Variants in MRPL36 observed in about 807,000 individuals in gnomAD.
The protein encoded by MRPL36 is large ribosomal subunit protein bL36m.
A neutral mutation model predicts 2.8 loss-of-function variants in MRPL36; 1 was observed. The observed-to-expected ratio is 0.36, with a 90% CI of 0.13 to 1.69. MRPL36 has a LOEUF of 1.69. MRPL36 is among the 40% of genes most tolerant of loss of function. The pLI, the probability that MRPL36 is intolerant of heterozygous loss-of-function variation, is 0.35. For missense variants in MRPL36, 148 were observed against 132.7 expected (o/e 1.12, Z -0.57); for synonymous variants, 68 against 54.8 (o/e 1.24, Z -1.06).
chr5:1,798,693 C>T lies in MRPL36; in HGVS notation c.243G>A (p.Leu81=). 1 of 1,613,898 alleles carries T rather than the reference C, an allele frequency of 6.2e-7. No homozygotes were observed. Among genetic ancestry groups the T allele is most frequent in the African/African-American group, 1.3e-5 (1 of 75,026 alleles). ...VLKKRCKDCY[L]VKRRGRWYVY... ...CGTACCACCGACCCCGCCTCTTCACCAGGTAACAGTCCTTGCAGCGCTTCT... is the reference window on the plus strand; with the variant it reads ...CGTACCACCGACCCCGCCTCTTCACTAGGTAACAGTCCTTGCAGCGCTTCT... Residue 81 remains leucine, a synonymous_variant, in exon 2 of 2, where the codon CTG becomes CTA. Transcript: ENST00000505059.
chr5:1,801,321 G>GT, upstream of MRPL36: 12 of 1,509,436 alleles, frequency 7.9e-6, no homozygotes, highest in Non-Finnish European at 1.1e-5. Flanking sequence ...CGCCCCCAGG[G>GT]CGAAATAAAT....
upstream of MRPL36, among the ~76,000 whole-genome samples, chr5:1,800,834 TAC>T (rs1486811851): frequency 2.0e-5 from 3 of 152,172 alleles, no homozygotes; most frequent in African/African-American, 7.2e-5. Context: ...ATCCCCAATA[TAC>T]GTTTCCTCTG....
Position 1,798,675 on chromosome 5 carries a change from C to T in MRPL36, c.261G>A (p.Arg87=), listed in dbSNP as rs1427257278. 5 of 1,613,836 alleles carry T rather than the reference C, an allele frequency of 3.1e-6. No homozygotes were observed. In the South Asian group the frequency reaches 5.5e-5, roughly 18 times the overall value. ...KDCYLVKRRG[R]WYVYCKTHPR... is the part of the protein sequence containing the mutation. ...GATGGGTTTTACAGTAGACGTACCACCGACCCCGCCTCTTCACCAGGTAAC... is the reference window on the plus strand; with the variant it reads ...GATGGGTTTTACAGTAGACGTACCATCGACCCCGCCTCTTCACCAGGTAAC... Residue 87 remains arginine, a synonymous_variant, in exon 2 of 2, where the codon CGG becomes CGA. Transcript: ENST00000505059.
At chr5:1,799,763 C>A (rs1178320123) in intron 1 of MRPL36, 29 bp downstream of exon 1, 2 of 106,948 alleles carry the variant, frequency 1.9e-5, no homozygotes, top group Non-Finnish European at 4.5e-5. Flanking sequence ...ACACCCGGGA[C>A]CCCTGACCTG....
rs1733925936 is a variant in MRPL36, at chr5:1,798,755, G to C, written c.181C>G (p.Leu61Val). The part of the protein sequence containing the change: ...LLSPGLLPHL[L>V]PALGFKNKTV... ...TTGTTTTTGAACCCCAGCGCAGGCA[G>C]CAGATGGGGCAGGAGGCCGGGTGAG... The change falls in exon 2 of 2, where the codon CTG becomes GTG. Residue 61 changes from leucine (L) to valine (V), a missense_variant. By Grantham distance (32) the Leu-to-Val change is conservative (BLOSUM62 1). Coordinates refer to ENST00000505059, the MANE Select transcript of MRPL36 (RefSeq NM_032479.4). 1 of 1,613,954 alleles carries C rather than the reference G, an allele frequency of 6.2e-7. No individual in the cohort carries two copies. The highest frequency in any genetic ancestry group is 8.5e-7 in the Non-Finnish European group (1 of 1,179,980).
chr5:1,798,646 C>T lies in MRPL36; in HGVS notation c.290G>A (p.Arg97Lys). 6.2e-7 allele frequency: 1 copy of T among 1,610,498 alleles called. No homozygotes were observed. The highest frequency in any genetic ancestry group is 1.3e-5 in the African/African-American group (1 of 74,930). Residue 97 changes from arginine to lysine, a missense_variant, in exon 2 of 2, where the codon AGG becomes AAG. By Grantham distance (26) the Arg-to-Lys change is conservative (BLOSUM62 2). Transcript: ENST00000505059. ...RWYVYCKTHP[R>K]HKQRQM ...GGTCTACATCTGTCTCTGCTTGTGCCTCGGATGGGTTTTACAGTAGACGTA... is the reference window on the plus strand; with the variant it reads ...GGTCTACATCTGTCTCTGCTTGTGCTTCGGATGGGTTTTACAGTAGACGTA...
At chr5:1,800,515 A>T (rs1260595758), upstream of MRPL36, among the ~76,000 whole-genome samples, 1 of 152,154 alleles carries the variant, frequency 6.6e-6, no homozygotes, top group African/African-American at 2.4e-5. Flanking sequence ...GGAGTTTATC[A>T]GCTCCAGGAC....
rs1733913721 is a variant in MRPL36 at position 1,798,501 on chromosome 5, T to C, written c.*123A>G. On this transcript the variant is annotated 3_prime_UTR_variant, in exon 2 of 2. Coordinates refer to ENST00000505059, the MANE Select transcript of MRPL36 (RefSeq NM_032479.4). ...ACACTGAAACGTGATGGGTAACTTT[T>C]AGGGCGTTTGCTTCCAGTCACTTTC... 1.1e-6 allele frequency: 1 copy of C among 876,078 alleles called. No individual in the cohort carries two copies. Among genetic ancestry groups the C allele is most frequent in the East Asian group, 2.6e-5 (1 of 38,248 alleles). The allele number at this position is 876,078 out of a possible 1,614,324, so 54.3% of individuals were successfully genotyped here.
In MRPL36 at chr5:1,799,809, C is replaced by CCCGGCCGCACGCTCTCAT. The variant is rs1395637025; in HGVS notation, c.-31_-30insATGAGAGCGTGCGGCCGG. The stretch of plus-strand genomic sequence containing the variant: ...TCCCTTACCCGGCCGCACGCTCTCA[C>CCCGGCCGCACGCTCTCAT]CCGGCGCCGACCCCTGCGTCTGCGC... On this transcript the variant is annotated 5_prime_UTR_variant, in exon 1 of 2. The change creates a new upstream start codon in the 5' untranslated region. Transcript: ENST00000505059. 1 of 152,114 alleles carries CCCGGCCGCACGCTCTCAT rather than the reference C, an allele frequency of 6.6e-6. No homozygotes were observed. The highest frequency in any genetic ancestry group is 2.4e-5 in the African/African-American group (1 of 41,396). 9.4% of individuals were successfully genotyped at this position (152,114 alleles called of 1,614,324 possible).
upstream of MRPL36, chr5:1,801,283 C>G (rs1388831266): frequency 7.8e-5 from 102 of 1,311,642 alleles, no homozygotes; most frequent in Non-Finnish European, 9.9e-5. Context: ...GCAGCTCCGG[C>G]GCACCCTCTG....
chr5:1,798,452 A>T lies in MRPL36; in HGVS notation c.*172T>A. ...GAACGTTTTGGAAATAAGATAACGC[A>T]ATGTCTTCTATAGTTACTCATTTAC... On this transcript the variant is annotated 3_prime_UTR_variant, in exon 2 of 2. Transcript: ENST00000505059. 2 of 607,350 alleles carry T rather than the reference A, an allele frequency of 3.3e-6. No homozygotes were observed. The highest frequency in any genetic ancestry group is 5.7e-6 in the Non-Finnish European group (2 of 352,594). The allele number at this position is 607,350 out of a possible 1,614,324, so 37.6% of individuals were successfully genotyped here.
upstream of MRPL36, chr5:1,801,218 G>A (rs534208375): frequency 3.8e-4 from 281 of 741,764 alleles, 1 homozygote; most frequent in Non-Finnish European, 5.5e-4. Context: ...GTGTAATCAG[G>A]GGCATTTTTA....
upstream of MRPL36, among the ~76,000 whole-genome samples, chr5:1,800,975 T>G (rs954718870): frequency 6.6e-6 from 1 of 152,206 alleles, no homozygotes; most frequent in African/African-American, 2.4e-5. Flanking sequence ...GATTATCGGT[T>G]ACCATAAGAA....
At chr5:1,799,854 T>G, upstream of MRPL36, 1 of 147,306 alleles carries the variant, frequency 6.8e-6, no homozygotes, top group East Asian at 2.0e-4. Context: ...CGGACGCTGC[T>G]GCCAGGAAGG....
chr5:1,801,379 A>G, upstream of MRPL36: 2 of 1,600,996 alleles, frequency 1.2e-6, no homozygotes, highest in South Asian at 2.2e-5. Flanking sequence ...GTTAGCGCTA[A>G]GCGGGACGTT....
rs760728115 is a variant in MRPL36 at position 1,798,863 on chromosome 5, C to A, written c.73G>T (p.Ala25Ser). ...YLSRHTVKPR[A>S]LSTFLFGSIR... ...GATCCAAATAGAAATGTGGAGAGGG[C>A]TCGAGGCTTCACCGTGTGACGACTG... Residue 25 changes from alanine to serine, a missense_variant, in exon 2 of 2, where the codon GCC (alanine) becomes TCC (serine). Physicochemically the swap from Ala to Ser is moderately conservative, Grantham distance 99. Coordinates refer to ENST00000505059, the MANE Select transcript of MRPL36 (RefSeq NM_032479.4). 4 of 1,613,324 alleles carry A rather than the reference C, an allele frequency of 2.5e-6. No homozygotes were observed. In the South Asian group the frequency reaches 4.4e-5, roughly 18 times the overall value.
At position 1,798,568 on chromosome 5, in the gene MRPL36, C is replaced by T; in HGVS notation, c.*56G>A. 1 of 1,520,900 alleles carries T rather than the reference C, an allele frequency of 6.6e-7. No individual in the cohort carries two copies. The highest frequency in any genetic ancestry group is 9.0e-7 in the Non-Finnish European group (1 of 1,115,236). 94.2% of individuals were successfully genotyped at this position (1,520,900 alleles called of 1,614,324 possible). ...TGATAATTCCTTCCATAAGATACAA[C>T]CATTCTCCCAAGTGATGCGATGACG... On this transcript the variant is annotated 3_prime_UTR_variant, in exon 2 of 2. Transcript: ENST00000505059.
intron 1 of MRPL36, 143 bp from the exon 2 acceptor site, chr5:1,799,090 G>A (rs1262652031): frequency 6.2e-6 from 4 of 643,256 alleles, no homozygotes; most frequent in Non-Finnish European, 8.1e-6. Context: ...CTGCAGCCTC[G>A]ACCTGAGCTT....
upstream of MRPL36, chr5:1,801,352 A>C (rs550707352): frequency 6.4e-6 from 10 of 1,569,762 alleles, no homozygotes; most frequent in African/African-American, 5.4e-5. Flanking sequence ...TGGCGCCGCC[A>C]GAAGCCGTGC....
Sources: allele counts gnomAD v4.1 joint callset (sites outside exome capture counted in the v4.1 genomes callset), GRCh38; gene constraint gnomAD v4.1.1; transcripts MANE v1.5; gene names NCBI Gene and HGNC (gene_info 2026-07-23, HGNC 2026-07-21).